Variants in CA6 observed in about 807,000 individuals in gnomAD.
CA6 encodes the protein carbonate dehydratase VI.
A neutral mutation model predicts 35.9 loss-of-function variants in CA6; 28 were observed. The ratio of observed to expected loss-of-function variants is 0.78; its 90% CI spans 0.58 to 1.07. CA6 has a LOEUF of 1.07. Ranked by LOEUF, CA6 falls within the 50% of genes least tolerant of loss-of-function variation. CA6 has a pLI of 0.00. For synonymous variants in CA6, 148 were observed against 152.6 expected, an observed-to-expected ratio of 0.97 and a Z score of 0.22; for missense variants, 377 against 382.0, an observed-to-expected ratio of 0.99 and a Z score of 0.11.
At position 8,965,333 on chromosome 1, in the gene CA6, C is replaced by A. The variant is rs183160326; in HGVS notation, c.572-2326C>A. ...AAGAACATTCACAGTATGATGCAAC[C>A]ATCACCCCGCTCCATTGCCGGAACT... On this transcript the variant is annotated intron_variant, in intron 5 of 7. Transcript: ENST00000377443. Among the ~76,000 whole-genome samples, 6 of 152,238 alleles carry A rather than the reference C, an allele frequency of 3.9e-5. No individual in the cohort carries two copies. The East Asian group carries it at 1.2e-3, about 29-fold the overall frequency.
At chr1:8,969,386 A>G (rs1640051585) in intron 6 of CA6, among the ~76,000 whole-genome samples, 1 of 152,040 alleles carries the variant, frequency 6.6e-6, no homozygotes, top group South Asian at 2.1e-4. Context: ...AGAATTAGTA[A>G]ATTGGAGACA....
At chr1:8,960,829 A>C (rs1262434210) in intron 4 of CA6, among the ~76,000 whole-genome samples, 1 of 150,852 alleles carries the variant, frequency 6.6e-6, no homozygotes, top group Non-Finnish European at 1.5e-5. Context: ...GGAGAGAGAG[A>C]AAGTGGAAGA....
chr1:8,974,269 T>C, intron 7 of CA6: 1 of 922,232 alleles, frequency 1.1e-6, no homozygotes. Context: ...GAAACCAAGG[T>C]CAGTTACAAA....
At chr1:8,960,884 T>G (rs1639825393) in intron 4 of CA6, among the ~76,000 whole-genome samples, 1 of 151,270 alleles carries the variant, frequency 6.6e-6, no homozygotes, top group Non-Finnish European at 1.5e-5. Flanking sequence ...GCCTCAAATC[T>G]GAGGAAAAAC....
Position 8,957,210 on chromosome 1 carries a change from C to A in CA6, c.333C>A (p.His111Gln). ...CTGTATACATAGCCCAGCAGATGCA[C>A]TTTCACTGGGGAGGTGCGTCCTCGG... The part of the protein sequence containing the change: ...DGTVYIAQQM[H>Q]FHWGGASSEI... The change falls in exon 3 of 8, where the codon CAC becomes CAA. Residue 111 changes from histidine (H) to glutamine (Q), a missense_variant. His to Gln is a conservative substitution (Grantham distance 24). Coordinates refer to ENST00000377443, the MANE Select transcript of CA6 (RefSeq NM_001215.4). 2 of 1,614,128 alleles carry A rather than the reference C, an allele frequency of 1.2e-6. No individual in the cohort carries two copies. Among genetic ancestry groups the A allele is most frequent in the Admixed American group, 1.7e-5 (1 of 60,014 alleles).
chr1:8,954,480 T>C (rs1318827346), intron 2 of CA6, among the ~76,000 whole-genome samples: 1 of 152,136 alleles, frequency 6.6e-6, no homozygotes, highest in Non-Finnish European at 1.5e-5. Context: ...CTTTATTTTC[T>C]TAATAAACTT....
chr1:8,969,876 A>G (rs900090596), intron 6 of CA6, among the ~76,000 whole-genome samples: 2 of 152,202 alleles, frequency 1.3e-5, no homozygotes, highest in African/African-American at 4.8e-5. Flanking sequence ...ATAGAATTGT[A>G]TGTGCAGCAA....
intron 4 of CA6, among the ~76,000 whole-genome samples, chr1:8,960,789 C>CACACATATAT (rs59987426): frequency 2.1e-4 from 24 of 116,972 alleles, no homozygotes; most frequent in African/African-American, 7.3e-4. Flanking sequence ...CACACACACA[C>CACACATATAT]ATATATATAA....
In CA6 at chr1:8,973,707, TC is replaced by T. The variant is rs201086259; in HGVS notation, c.845-914del. 2.9e-3 allele frequency among the ~76,000 whole-genome samples: 319 copies of T among 111,622 alleles called. 6 individuals carry two copies. The highest frequency in any genetic ancestry group is 0.011 in the African/African-American group (300 of 26,526). 73.2% of individuals were successfully genotyped at this position (111,622 alleles called of 152,430 possible). A position where few individuals can be genotyped will look rare whatever the true frequency, so the allele number is the denominator to read the frequency against. The stretch of plus-strand genomic sequence containing the variant: ...TCCCTCAGGCCTGGATTTTTCTTTC[TC>T]TCTCTTTCTTTCTTTCTTTCTTTCT... On this transcript the variant is annotated intron_variant, in intron 7 of 7. Transcript: ENST00000377443.
rs888542398 is a variant in CA6, at chr1:8,975,032, C to G, written c.*328C>G. ...TTGACCTGTCTGAATTATAAACCAG[C>G]CTGACCTTTCCTTTAGCATTAGATG... On this transcript the variant is annotated 3_prime_UTR_variant, in exon 8 of 8. Transcript: ENST00000377443. 4 of 189,970 alleles carry G rather than the reference C, an allele frequency of 2.1e-5. No individual in the cohort carries two copies. Among genetic ancestry groups the G allele is most frequent in the Admixed American group, 1.2e-4 (2 of 16,130 alleles). 11.8% of individuals were successfully genotyped at this position (189,970 alleles called of 1,614,324 possible).
intron 6 of CA6, among the ~76,000 whole-genome samples, chr1:8,969,596 T>A (rs1569725015): frequency 1.3e-5 from 2 of 152,258 alleles, no homozygotes; most frequent in South Asian, 4.1e-4. Flanking sequence ...AAGTCATATA[T>A]TCAAGAATGC....
chr1:8,957,195 A>G lies in CA6; in HGVS notation c.318A>G (p.Ile106Met). 3.1e-6 allele frequency: 5 copies of G among 1,613,994 alleles called. No homozygotes were observed. The highest frequency in any genetic ancestry group is 8.5e-7 in the Non-Finnish European group (1 of 1,179,944). ...RMTVADGTVY[I>M]AQQMHFHWGG... ...CAGTGGCTGACGGCACTGTATACAT[A>G]GCCCAGCAGATGCACTTTCACTGGG... is the stretch of plus-strand genomic sequence containing the variant. Residue 106 changes from isoleucine to methionine, a missense_variant, in exon 3 of 8, where the codon ATA becomes ATG. By Grantham distance (10) the Ile-to-Met change is conservative (BLOSUM62 1). Coordinates refer to ENST00000377443, the MANE Select transcript of CA6 (RefSeq NM_001215.4).
intron 6 of CA6, among the ~76,000 whole-genome samples, chr1:8,968,951 G>C (rs1410151887): frequency 2.6e-5 from 4 of 151,884 alleles, no homozygotes; most frequent in African/African-American, 4.8e-5. Flanking sequence ...CTGGGACGTG[G>C]AGGTTGCAGT....
chr1:8,967,672 C>G lies in CA6; in HGVS notation c.585C>G (p.Thr195=), dbSNP rs541827876. 56 of 1,613,856 alleles carry G rather than the reference C, an allele frequency of 3.5e-5. No homozygotes were observed. Among genetic ancestry groups the G allele is most frequent in the Non-Finnish European group, 4.4e-5 (52 of 1,179,924 alleles). ...CTTCTTGGTCAGGACAAAGAACAAC[C>G]CTGACTGGCCTTGACGTTCAGGACA... ...ANIKYPGQRT[T]LTGLDVQDML... is the part of the protein sequence containing the mutation. Residue 195 remains threonine, a synonymous_variant, in exon 6 of 8, where the codon ACC becomes ACG. Coordinates refer to ENST00000377443, the MANE Select transcript of CA6 (RefSeq NM_001215.4).
At chr1:8,974,335 A>G (rs772019791) in intron 7 of CA6, 21 of 1,463,194 alleles carry the variant, frequency 1.4e-5, no homozygotes, top group Non-Finnish European at 1.9e-5. Flanking sequence ...GAAAACGCCT[A>G]TATCCCCTCA....
At chr1:8,956,659 T>C (rs1639691495) in intron 2 of CA6, among the ~76,000 whole-genome samples, 1 of 151,706 alleles carries the variant, frequency 6.6e-6, no homozygotes, top group South Asian at 2.1e-4. Context: ...AGCAACAGAG[T>C]GAGCATGAAA....
intron 7 of CA6, among the ~76,000 whole-genome samples, chr1:8,973,704 T>C (rs1368047992): frequency 7.9e-6 from 1 of 126,816 alleles, no homozygotes; most frequent in Non-Finnish European, 1.7e-5. Context: ...GGATTTTTCT[T>C]TCTCTCTCTT....
At chr1:8,970,037 C>A (rs1417113288) in intron 6 of CA6, among the ~76,000 whole-genome samples, 1 of 151,864 alleles carries the variant, frequency 6.6e-6, no homozygotes, top group African/African-American at 2.4e-5. Context: ...AACCCCATCT[C>A]TACTAAAAAT....
chr1:8,961,939 T>C (rs3765965), intron 4 of CA6, among the ~76,000 whole-genome samples: 29,281 of 152,046 alleles, frequency 0.19, 3,465 homozygotes, highest in African/African-American at 0.34. Flanking sequence ...TGGCTGACAC[T>C]GCCCAAAACA....
Sources: gnomAD v4.1 joint callset for allele counts (sites outside exome capture counted in the v4.1 genomes callset) on GRCh38, gnomAD v4.1.1 for gene constraint, MANE v1.5 for transcripts, NCBI Gene and HGNC (gene_info 2026-07-23, HGNC 2026-07-21) for gene names.